Variants in TFAP2B observed in about 807,000 individuals in gnomAD.
TFAP2B encodes transcription factor AP-2-beta.
TFAP2B carries 9 observed loss-of-function variants against 44.3 expected under a neutral mutation model. That is an observed-to-expected ratio of 0.20 (90% CI 0.12 to 0.35). TFAP2B has a LOEUF of 0.35. TFAP2B is among the 10% of genes least tolerant of loss of function. The pLI, the probability that TFAP2B is intolerant of heterozygous loss-of-function variation, is 1.00. For synonymous variants in TFAP2B, 270 were observed against 263.8 expected (o/e 1.02, Z -0.23); for missense variants, 509 against 600.0 (o/e 0.85, Z 1.59).
chr6:50,823,541 C>T lies in TFAP2B; in HGVS notation c.216C>T (p.Pro72=). The change falls in exon 2 of 7, where the codon CCC becomes CCT. Residue 72 remains proline, a synonymous_variant. Transcript: ENST00000393655. ...ACTTCCAGCCGCCCTACTTCCCACC[C>T]CCCTACCAGCCGCTCCCCTACCACC... ...SSDFQPPYFP[P]PYQPLPYHQS... is the part of the protein sequence containing the mutation. 6.2e-7 allele frequency: 1 copy of T among 1,614,018 alleles called. No individual in the cohort carries two copies. Among genetic ancestry groups the T allele is most frequent in the Non-Finnish European group, 8.5e-7 (1 of 1,180,002 alleles).
intron 2 of TFAP2B, among the ~76,000 whole-genome samples, chr6:50,825,928 C>T (rs1770491300): frequency 6.6e-6 from 1 of 152,174 alleles, no homozygotes; most frequent in Admixed American, 6.5e-5. Flanking sequence ...CAGGGACGGT[C>T]TCTGCCTCCG....
chr6:50,839,001 C>T (rs1762674977), intron 5 of TFAP2B, among the ~76,000 whole-genome samples: 1 of 152,176 alleles, frequency 6.6e-6, no homozygotes, highest in African/African-American at 2.4e-5. Context: ...CATTAATCAT[C>T]ACAGTTACAG....
chr6:50,841,024 G>C (rs770088699), intron 6 of TFAP2B, among the ~76,000 whole-genome samples: 1 of 152,226 alleles, frequency 6.6e-6, no homozygotes, highest in Non-Finnish European at 1.5e-5. Context: ...GGTTTGTCCC[G>C]TTGACAGCGT....
At position 50,843,363 on chromosome 6, in the gene TFAP2B, G is replaced by A. The variant is rs767877938; in HGVS notation, c.1354G>A (p.Gly452Ser). ...TGGGGAAGGCCCAGGTAGTAAAACT[G>A]GCGACAAGGAGGAGAAACACAGGAA... ...TSGEGPGSKTGDKEEKHRK is the reference protein window; with the variant it reads ...TSGEGPGSKTSDKEEKHRK Residue 452 changes from glycine to serine, a missense_variant, in exon 7 of 7, where the codon GGC (glycine) becomes AGC (serine). By Grantham distance (56) the Gly-to-Ser change is moderately conservative (BLOSUM62 0). Around this residue, in one of 3 missense-constraint regions of TFAP2B, gnomAD observed 168 missense variants for 183.2 expected, o/e 0.92. Transcript: ENST00000393655. 1 of 1,613,986 alleles carries A rather than the reference G, an allele frequency of 6.2e-7. No homozygotes were observed. The highest frequency in any genetic ancestry group is 8.5e-7 in the Non-Finnish European group (1 of 1,180,020).
At chr6:50,823,928 G>T (rs1263101635) in intron 2 of TFAP2B, 63 bp downstream of exon 2, 4 of 1,509,258 alleles carry the variant, frequency 2.7e-6, no homozygotes, top group African/African-American at 1.4e-5. Flanking sequence ...CTTCTGGAGG[G>T]GGGGAGGTCA....
At position 50,823,568 on chromosome 6, in the gene TFAP2B, G is replaced by C. The variant is rs1189989738; in HGVS notation, c.243G>C (p.Gln81His). Residue 81 changes from glutamine (Q) to histidine (H), a missense_variant, in exon 2 of 7, where the codon CAG (glutamine) becomes CAC (histidine). This residue lies in a region of TFAP2B where 296 missense variants were observed against 308.2 expected (regional missense o/e 0.96). Coordinates refer to ENST00000393655, the MANE Select transcript of TFAP2B (RefSeq NM_003221.4). ...CCTACCAGCCGCTCCCCTACCACCA[G>C]AGCCAGGACCCCTACTCCCACGTCA... Reference protein sequence around the residue: ...PPPYQPLPYHQSQDPYSHVND... With the variant: ...PPPYQPLPYHHSQDPYSHVND... 6.2e-7 allele frequency: 1 copy of C among 1,613,360 alleles called. No individual in the cohort carries two copies. The highest frequency in any genetic ancestry group is 8.5e-7 in the Non-Finnish European group (1 of 1,179,886).
In TFAP2B at chr6:50,818,981, A is replaced by G. The variant is rs1770248044; in HGVS notation, c.81+9A>G. ...ACGAAGATATCTATGAGGTGAGTCG[A>G]CACCCCCAGATGCACCTTAGAGCTT... On this transcript the variant is annotated intron_variant, in intron 1 of 6. Transcript: ENST00000393655. 4 of 1,613,198 alleles carry G rather than the reference A, an allele frequency of 2.5e-6. No homozygotes were observed. In the Admixed American group the frequency reaches 5.0e-5, roughly 20 times the overall value.
intron 3 of TFAP2B, among the ~76,000 whole-genome samples, chr6:50,829,196 C>T (rs1770607674): frequency 6.6e-6 from 1 of 152,154 alleles, no homozygotes. Flanking sequence ...TAAATATGCG[C>T]ATCCTGAGAA....
At chr6:50,840,111 T>C (rs1215457833) in intron 5 of TFAP2B, 45 bp from the exon 6 acceptor site, 1 of 1,611,732 alleles carries the variant, frequency 6.2e-7, no homozygotes, top group Non-Finnish European at 8.5e-7. Flanking sequence ...CTGGGATATT[T>C]AGGGCCTGGG....
chr6:50,841,443 G>T (rs988360272), intron 6 of TFAP2B, among the ~76,000 whole-genome samples: 1 of 152,004 alleles, frequency 6.6e-6, no homozygotes, highest in South Asian at 2.1e-4. Context: ...GTGTGTGTGG[G>T]GGGGATCAGT....
chr6:50,842,267 A>T (rs1407556178), intron 6 of TFAP2B, among the ~76,000 whole-genome samples: 1 of 152,194 alleles, frequency 6.6e-6, no homozygotes, highest in African/African-American at 2.4e-5. Flanking sequence ...AAATTTCTCA[A>T]ATAAGCTCAA....
At chr6:50,824,690 T>A (rs566264217) in intron 2 of TFAP2B, among the ~76,000 whole-genome samples, 11 of 152,314 alleles carry the variant, frequency 7.2e-5, no homozygotes, top group African/African-American at 2.6e-4. Context: ...ACGTGTTTAT[T>A]TCTTAAAACA....
In TFAP2B at chr6:50,843,369, A is replaced by G. The variant is rs775904362; in HGVS notation, c.1360A>G (p.Lys454Glu). The change falls in exon 7 of 7, where the codon AAG becomes GAG. Residue 454 changes from lysine (K) to glutamate (E), a missense_variant. Lys to Glu is a moderately conservative substitution (Grantham distance 56, BLOSUM62 1). This residue lies in a region of TFAP2B where 168 missense variants were observed against 183.2 expected (regional missense o/e 0.92). Transcript: ENST00000393655. ...AGGCCCAGGTAGTAAAACTGGCGACAAGGAGGAGAAACACAGGAAATGAAA... is the reference window on the plus strand; with the variant it reads ...AGGCCCAGGTAGTAAAACTGGCGACGAGGAGGAGAAACACAGGAAATGAAA... ...GEGPGSKTGD[K>E]EEKHRK The G allele has an allele frequency of 3.1e-6, 5 of 1,614,196 alleles. No homozygotes were observed. The East Asian group carries it at 8.9e-5, about 29-fold the overall frequency.
chr6:50,823,872 A>G lies in TFAP2B; in HGVS notation c.540+7A>G. ...CGGAATGGAAGACGTCCAGGTAACCACAAACAAACAAACAAACAAACAAAA... is the reference window on the plus strand; with the variant it reads ...CGGAATGGAAGACGTCCAGGTAACCGCAAACAAACAAACAAACAAACAAAA... On this transcript the variant is annotated splice_region_variant and intron_variant, in intron 2 of 6. Coordinates refer to ENST00000393655, the MANE Select transcript of TFAP2B (RefSeq NM_003221.4). 1.7e-6 allele frequency: 1 copy of G among 600,568 alleles called. No individual in the cohort carries two copies. Among genetic ancestry groups the G allele is most frequent in the Non-Finnish European group, 2.1e-6 (1 of 472,246 alleles). 37.2% of individuals were successfully genotyped at this position (600,568 alleles called of 1,614,324 possible).
At chr6:50,837,313 C>T (rs558895513) in intron 4 of TFAP2B, among the ~76,000 whole-genome samples, 2 of 152,302 alleles carry the variant, frequency 1.3e-5, no homozygotes, top group Admixed American at 6.5e-5. Flanking sequence ...CAAGTGAGTG[C>T]TTTGAGCCTC....
At chr6:50,839,165 G>A (rs1264059107) in intron 5 of TFAP2B, among the ~76,000 whole-genome samples, 1 of 152,130 alleles carries the variant, frequency 6.6e-6, no homozygotes, top group African/African-American at 2.4e-5. Context: ...TAATATCATA[G>A]TCCTCATTTT....
At chr6:50,837,064 C>T (rs1762637843) in intron 4 of TFAP2B, among the ~76,000 whole-genome samples, 1 of 152,226 alleles carries the variant, frequency 6.6e-6, no homozygotes, top group South Asian at 2.1e-4. Flanking sequence ...ATGAAAGTGA[C>T]TTTGTCTGAG....
At chr6:50,841,847 G>A (rs1322654611) in intron 6 of TFAP2B, among the ~76,000 whole-genome samples, 1 of 152,148 alleles carries the variant, frequency 6.6e-6, no homozygotes, top group Non-Finnish European at 1.5e-5. Flanking sequence ...AGGGAGAATC[G>A]AGGGTGCCTG....
chr6:50,843,981 G>T lies in TFAP2B; in HGVS notation c.*589G>T, dbSNP rs1762788566. 6.5e-6 allele frequency: 1 copy of T among 153,304 alleles called. No individual in the cohort carries two copies. The highest frequency in any genetic ancestry group is 2.4e-5 in the African/African-American group (1 of 41,398). The allele number at this position is 153,304 out of a possible 1,614,324, so 9.5% of individuals were successfully genotyped here. A position where few individuals can be genotyped will look rare whatever the true frequency, so the allele number is the denominator to read the frequency against. Reference sequence around the variant, plus strand: ...TGGTTGGCCCTTTTGCGTTGTTTCAGTCCTCTCGGTACCTCCCCGCCCAGC... The same window carrying T: ...TGGTTGGCCCTTTTGCGTTGTTTCATTCCTCTCGGTACCTCCCCGCCCAGC... On this transcript the variant is annotated 3_prime_UTR_variant, in exon 7 of 7. Coordinates refer to ENST00000393655, the MANE Select transcript of TFAP2B (RefSeq NM_003221.4).
Sources: gnomAD v4.1 joint callset for allele counts (sites outside exome capture counted in the v4.1 genomes callset) on GRCh38, gnomAD v4.1.1 for gene constraint, gnomAD v4.1.1 regional missense constraint, MANE v1.5 for transcripts, NCBI Gene and HGNC (gene_info 2026-07-23, HGNC 2026-07-21) for gene names.